Variants in LTN1 observed in about 807,000 individuals in gnomAD.
The protein encoded by LTN1 is listerin E3 ubiquitin protein ligase 1.
A neutral mutation model predicts 201.2 loss-of-function variants in LTN1; 88 were observed. That is an observed-to-expected ratio of 0.44 (90% CI 0.37 to 0.52). The LOEUF (loss-of-function observed/expected upper bound fraction) is 0.52. LTN1 is among the 20% of genes least tolerant of loss of function. The pLI is 0.00. For missense variants in LTN1, 1,752 were observed against 2,038.7 expected, an observed-to-expected ratio of 0.86 and a Z score of 2.71; for synonymous variants, 645 against 713.5, an observed-to-expected ratio of 0.90 and a Z score of 1.53.
chr21:28,932,009 A>C (rs1278800112), intron 28 of LTN1, among the ~76,000 whole-genome samples: 1 of 152,192 alleles, frequency 6.6e-6, no homozygotes, highest in South Asian at 2.1e-4. Context: ...TTAAAAAAAA[A>C]AAGTTTTTCT....
In LTN1 at chr21:28,984,885, G is replaced by A. The variant is rs1187118534; in HGVS notation, c.383C>T (p.Ala128Val). 6.2e-7 allele frequency: 1 copy of A among 1,613,848 alleles called. No individual in the cohort carries two copies. Among genetic ancestry groups the A allele is most frequent in the Non-Finnish European group, 8.5e-7 (1 of 1,179,970 alleles). ...DRRVREATQQAFEKLILKVKK... is the reference protein window; with the variant it reads ...DRRVREATQQVFEKLILKVKK... ...TACTTTAAGGATAAGTTTTTCAAAA[G>A]CTTGTTGTGTGGCTTCTCGGACGCG... Residue 128 changes from alanine to valine, a missense_variant, in exon 4 of 30, where the codon GCT becomes GTT. Coordinates refer to ENST00000361371, the MANE Select transcript of LTN1 (RefSeq NM_015565.3).
rs114047852 is a variant in LTN1, at chr21:28,953,247, G to A, written c.3209C>T (p.Thr1070Met). The A allele has an allele frequency of 1.4e-3, 2,240 of 1,584,278 alleles. 25 individuals carry two copies. In the African/African-American group the frequency reaches 0.025, roughly 17 times the overall value. The stretch of plus-strand genomic sequence containing the variant: ...AAATAACAGCTGCAAAAGGCCCGAC[G>A]TATTACCAAGTACACGTAAGTTATC... ...TYDNLRVLGN[T>M]SGLLQLLFNR... Residue 1070 changes from threonine to methionine, a missense_variant, in exon 17 of 30, where the codon ACG becomes ATG. Around this residue, in one of 3 missense-constraint regions of LTN1, gnomAD observed 1,211 missense variants for 1,312.8 expected, o/e 0.92. Transcript: ENST00000361371.
At chr21:28,950,028 T>G (rs764352014) in intron 18 of LTN1, among the ~76,000 whole-genome samples, 3 of 152,156 alleles carry the variant, frequency 2.0e-5, no homozygotes, top group Non-Finnish European at 4.4e-5. Context: ...ATATTTGGCA[T>G]GCAGTCTCTT....
At chr21:28,984,310 TAAAAAG>T (rs1256072729) in intron 4 of LTN1, among the ~76,000 whole-genome samples, 1 of 151,480 alleles carries the variant, frequency 6.6e-6, no homozygotes, top group African/African-American at 2.4e-5. Context: ...AGAGAGCCAA[TAAAAAG>T]AAAAAGACAC....
chr21:28,941,078 A>G, intron 25 of LTN1, 142 bp downstream of exon 25: 1 of 638,854 alleles, frequency 1.6e-6, no homozygotes, highest in East Asian at 3.0e-5. Flanking sequence ...CCCTGTCTCA[A>G]ATAAACAAAA....
At position 28,966,752 on chromosome 21, in the gene LTN1, C is replaced by T. The variant is rs768866985; in HGVS notation, c.1739G>A (p.Gly580Asp). The T allele has an allele frequency of 2.0e-5, 33 of 1,613,900 alleles. No homozygotes were observed. In the South Asian group the frequency reaches 3.5e-4, roughly 17 times the overall value. The change falls in exon 10 of 30, where the codon GGC becomes GAC. Residue 580 changes from glycine (G) to aspartate (D), a missense_variant. By Grantham distance (94) the Gly-to-Asp change is moderately conservative. This residue lies in a region of LTN1 where 1,211 missense variants were observed against 1,312.8 expected (regional missense o/e 0.92). Coordinates refer to ENST00000361371, the MANE Select transcript of LTN1 (RefSeq NM_015565.3). ...TTTTTTCCTTAGAGGAGACAAAAGG[C>T]CTGAAGAATTATGAGTGAGAGAAGG... is the stretch of plus-strand genomic sequence containing the variant. Reference protein sequence around the residue: ...TEPSLTHNSSGLLSPLRKKPL... With the variant: ...TEPSLTHNSSDLLSPLRKKPL...
intron 1 of LTN1, among the ~76,000 whole-genome samples, chr21:28,987,550 CATT>C (rs751306504): frequency 5.8e-4 from 88 of 152,242 alleles, no homozygotes; most frequent in South Asian, 2.3e-3. Flanking sequence ...GCTAAAATTA[CATT>C]ATTATAGCCA....
At chr21:28,975,675 G>A (rs2084609553) in intron 6 of LTN1, among the ~76,000 whole-genome samples, 2 of 152,172 alleles carry the variant, frequency 1.3e-5, no homozygotes, top group Admixed American at 1.3e-4. Flanking sequence ...CTATTGCAAT[G>A]CCTGATCTCA....
intron 1 of LTN1, among the ~76,000 whole-genome samples, chr21:28,992,129 C>A (rs2084751145): frequency 6.6e-6 from 1 of 152,164 alleles, no homozygotes; most frequent in Non-Finnish European, 1.5e-5. Flanking sequence ...AGAGGGTGAT[C>A]ATGGGAGACC....
rs756405512 is a variant in LTN1, at chr21:28,958,570, ATC to A, written c.2594-33_2594-32del. The A allele has an allele frequency of 3.3e-5, 50 of 1,501,902 alleles. No individual in the cohort carries two copies. The Middle Eastern group carries it at 8.6e-4, about 26-fold the overall frequency. 93.0% of individuals were successfully genotyped at this position (1,501,902 alleles called of 1,614,324 possible). On this transcript the variant is annotated intron_variant, in intron 13 of 29. Coordinates refer to ENST00000361371, the MANE Select transcript of LTN1 (RefSeq NM_015565.3). ...ATCAAGATGTCAACAGGAATTTGTA[ATC>A]TCACTGAATTAACTCTCATCAGCAC... is the stretch of plus-strand genomic sequence containing the variant.
chr21:28,957,272 C>T (rs1032605962), intron 15 of LTN1, 60 bp downstream of exon 15: 1 of 1,428,864 alleles, frequency 7.0e-7, no homozygotes. Context: ...TAAAAATATT[C>T]AAGCTTGCAT....
intron 18 of LTN1, among the ~76,000 whole-genome samples, chr21:28,951,807 A>C (rs1457240883): frequency 6.6e-6 from 1 of 152,026 alleles, no homozygotes; most frequent in African/African-American, 2.4e-5. Flanking sequence ...CACCATCCCT[A>C]CAAAATTAAA....
chr21:28,984,650 C>G (rs750314035), intron 4 of LTN1, 42 bp downstream of exon 4: 4 of 1,443,746 alleles, frequency 2.8e-6, no homozygotes, highest in Non-Finnish European at 3.9e-6. Flanking sequence ...CCCTTAAATA[C>G]TTAAAAAAAA....
Position 28,935,329 on chromosome 21 carries a change from T to C in LTN1, c.4655A>G (p.Glu1552Gly). 6.2e-7 allele frequency: 1 copy of C among 1,604,344 alleles called. No homozygotes were observed. Among genetic ancestry groups the C allele is most frequent in the Non-Finnish European group, 8.5e-7 (1 of 1,172,484 alleles). ...AATGTGGTATGGAAGCATTGTTGTT[T>C]CTGAGGAAAAAACAAATTATTGATT... is the stretch of plus-strand genomic sequence containing the variant. ...FTEELQLSIR[E>G]TTMLPYHIPH... Residue 1552 changes from glutamate (E) to glycine (G), a missense_variant and splice_region_variant, in exon 27 of 30, where the codon GAA becomes GGA. Physicochemically the swap from Glu to Gly is moderately conservative, Grantham distance 98. Around this residue, in one of 3 missense-constraint regions of LTN1, gnomAD observed 261 missense variants for 350.1 expected, o/e 0.75. Transcript: ENST00000361371.
At chr21:28,981,593 A>G (rs1043513997) in intron 5 of LTN1, among the ~76,000 whole-genome samples, 3 of 152,224 alleles carry the variant, frequency 2.0e-5, no homozygotes, top group African/African-American at 7.2e-5. Context: ...ATGGATATCA[A>G]GCCATCTAAG....
In LTN1 at chr21:28,932,621, G is replaced by A. The variant is rs760427818; in HGVS notation, c.4919C>T (p.Thr1640Ile). 3.1e-6 allele frequency: 5 copies of A among 1,613,402 alleles called. No individual in the cohort carries two copies. In the East Asian group the frequency reaches 8.9e-5, roughly 29 times the overall value. Residue 1640 changes from threonine to isoleucine, a missense_variant, in exon 28 of 30, where the codon ACT becomes ATT. By Grantham distance (89) the Thr-to-Ile change is moderately conservative (BLOSUM62 -1). Around this residue, in one of 3 missense-constraint regions of LTN1, gnomAD observed 261 missense variants for 350.1 expected, o/e 0.75. Coordinates refer to ENST00000361371, the MANE Select transcript of LTN1 (RefSeq NM_015565.3). The part of the protein sequence containing the change: ...ATTREVMATY[T>I]IEDIVIELII... ...AAGTTCAATAACTATGTCCTCAATA[G>A]TATAAGTAGCCATTACCTCTCGAGT... is the stretch of plus-strand genomic sequence containing the variant.
rs1352216938 is a variant in LTN1 at position 28,966,410 on chromosome 21, T to C, written c.2081A>G (p.Asn694Ser). The C allele has an allele frequency of 1.2e-6, 2 of 1,611,804 alleles. No individual in the cohort carries two copies. The highest frequency in any genetic ancestry group is 2.7e-5 in the African/African-American group (2 of 74,686). Residue 694 changes from asparagine (N) to serine (S), a missense_variant, in exon 10 of 30, where the codon AAT becomes AGT. By Grantham distance (46) the Asn-to-Ser change is conservative. Around this residue, in one of 3 missense-constraint regions of LTN1, gnomAD observed 1,211 missense variants for 1,312.8 expected, o/e 0.92. Transcript: ENST00000361371. ...CAAGACTTTTTTTCTTTCCATATCA[T>C]TGTCACAGCACCGGAGAGCACTGTA... ...ILYSALRCCD[N>S]DMERKKVLDD...
chr21:28,969,187 C>T (rs1354167893), intron 9 of LTN1, among the ~76,000 whole-genome samples: 3 of 151,636 alleles, frequency 2.0e-5, no homozygotes, highest in Non-Finnish European at 4.4e-5. Flanking sequence ...CGTCATTGTA[C>T]TCCAGCCTGG....
intron 12 of LTN1, 38 bp downstream of exon 12, chr21:28,960,479 T>C: frequency 6.7e-7 from 1 of 1,485,626 alleles, no homozygotes. Context: ...AGAAATGGAC[T>C]ATTCCCCATT....
Sources: allele counts gnomAD v4.1 joint callset (sites outside exome capture counted in the v4.1 genomes callset), GRCh38; gene constraint gnomAD v4.1.1; regional missense constraint gnomAD v4.1.1; transcripts MANE v1.5; gene names NCBI Gene and HGNC (gene_info 2026-07-23, HGNC 2026-07-21).